ROBO1: variants seen among roughly 807,000 people sequenced by gnomAD.
ROBO1 encodes the protein roundabout guidance receptor 1.
ROBO1 carries 149 observed loss-of-function variants against 195.9 expected under a neutral mutation model. That is an observed-to-expected ratio of 0.76 (90% CI 0.67 to 0.87). ROBO1 has a LOEUF of 0.87. ROBO1 is among the 40% of genes least tolerant of loss of function. The pLI is 0.00. For missense variants in ROBO1, 1,933 were observed against 2,068.3 expected (o/e 0.93, Z 1.27); for synonymous variants, 816 against 733.2 (o/e 1.11, Z -1.82).
chr3:78,966,055 C>A (rs1388741223), intron 3 of ROBO1, among the ~76,000 whole-genome samples: 1 of 152,108 alleles, frequency 6.6e-6, no homozygotes, highest in Non-Finnish European at 1.5e-5. Flanking sequence ...CCTGTCAGAT[C>A]AGTGGTGGCA....
chr3:79,148,655 T>C (rs975014979), intron 2 of ROBO1, among the ~76,000 whole-genome samples: 3 of 151,788 alleles, frequency 2.0e-5, no homozygotes, highest in African/African-American at 7.3e-5. Flanking sequence ...CTGTACATGA[T>C]CATAAAGTAA....
At chr3:79,654,062 C>A (rs1946090239) in intron 1 of ROBO1, among the ~76,000 whole-genome samples, 2 of 151,842 alleles carry the variant, frequency 1.3e-5, no homozygotes, top group Admixed American at 6.6e-5. Context: ...CTTTGTATGT[C>A]TAACTGTTTA....
chr3:79,500,611 C>A (rs1229645339), intron 2 of ROBO1, among the ~76,000 whole-genome samples: 5 of 152,192 alleles, frequency 3.3e-5, no homozygotes, highest in Non-Finnish European at 5.9e-5. Flanking sequence ...AATGAGAATT[C>A]AAGGTCTACT....
intron 5 of ROBO1, among the ~76,000 whole-genome samples, chr3:78,723,676 G>GT (rs1423435508): frequency 2.0e-5 from 3 of 152,040 alleles, no homozygotes. Flanking sequence ...TGAAGGGTGT[G>GT]TGGGGGGCGA....
chr3:78,955,173 T>C (rs111636621), intron 3 of ROBO1, among the ~76,000 whole-genome samples: 7 of 149,836 alleles, frequency 4.7e-5, no homozygotes, highest in African/African-American at 1.5e-4. Context: ...TGGGGTTATA[T>C]AGGTAAACTG....
At chr3:79,437,049 G>A (rs931081302) in intron 2 of ROBO1, among the ~76,000 whole-genome samples, 2 of 151,934 alleles carry the variant, frequency 1.3e-5, no homozygotes, top group East Asian at 1.9e-4. Context: ...AACATGCATC[G>A]TAACGGTTAA....
chr3:79,405,165 A>G (rs2037499202), intron 2 of ROBO1, among the ~76,000 whole-genome samples: 1 of 152,152 alleles, frequency 6.6e-6, no homozygotes, highest in African/African-American at 2.4e-5. Flanking sequence ...AGCATTCTTC[A>G]TAAAAGAAAA....
At chr3:79,629,582 A>AATCC (rs1209487895) in intron 1 of ROBO1, among the ~76,000 whole-genome samples, 4 of 152,128 alleles carry the variant, frequency 2.6e-5, no homozygotes, top group African/African-American at 9.6e-5. Context: ...AACCCAAGGT[A>AATCC]CTAGATAAAC....
intron 2 of ROBO1, among the ~76,000 whole-genome samples, chr3:79,187,263 G>C (rs2081457341): frequency 6.6e-6 from 1 of 151,920 alleles, no homozygotes; most frequent in Non-Finnish European, 1.5e-5. Flanking sequence ...CTTGTAAAAG[G>C]CCAGATGACC....
chr3:79,597,788 A>G (rs551571680), intron 1 of ROBO1, among the ~76,000 whole-genome samples: 2 of 152,232 alleles, frequency 1.3e-5, no homozygotes, highest in African/African-American at 4.8e-5. Context: ...AGAATAAAAT[A>G]TATGAATAGA....
intron 2 of ROBO1, among the ~76,000 whole-genome samples, chr3:79,202,139 T>C (rs1455869320): frequency 6.6e-6 from 1 of 152,014 alleles, no homozygotes; most frequent in East Asian, 1.9e-4. Flanking sequence ...TTACTCTACT[T>C]TAATTAGCTG....
intron 5 of ROBO1, among the ~76,000 whole-genome samples, chr3:78,745,579 T>C (rs563997672): frequency 6.6e-6 from 1 of 152,310 alleles, no homozygotes; most frequent in East Asian, 1.9e-4. Context: ...ATTTCTCCCA[T>C]GCTCTTTCTT....
chr3:78,800,258 A>G (rs2084324501), intron 4 of ROBO1, among the ~76,000 whole-genome samples: 1 of 152,332 alleles, frequency 6.6e-6, no homozygotes, highest in East Asian at 1.9e-4. Context: ...CGAAAAAATA[A>G]CAACAAGATA....
intron 2 of ROBO1, among the ~76,000 whole-genome samples, chr3:79,127,405 C>A (rs527503796): frequency 1.4e-3 from 218 of 152,264 alleles, no homozygotes; most frequent in African/African-American, 4.8e-3. Context: ...TGCTTACCTA[C>A]AATCTTGTTT....
At chr3:79,671,661 A>C (rs1340559013) in intron 1 of ROBO1, among the ~76,000 whole-genome samples, 2 of 151,886 alleles carry the variant, frequency 1.3e-5, no homozygotes, top group Non-Finnish European at 2.9e-5. Flanking sequence ...TGATATGGTT[A>C]AGTTTCTTAA....
At chr3:79,716,604 G>GA (rs560812691) in intron 1 of ROBO1, among the ~76,000 whole-genome samples, 4 of 151,528 alleles carry the variant, frequency 2.6e-5, no homozygotes, top group South Asian at 2.1e-4. Flanking sequence ...TAGAAAATTA[G>GA]AAAAAAAATA....
chr3:79,707,057 G>A (rs552798818), intron 1 of ROBO1, among the ~76,000 whole-genome samples: 15 of 152,142 alleles, frequency 9.9e-5, no homozygotes, highest in African/African-American at 3.6e-4. Context: ...TCCCTTCTAA[G>A]AAAGACTGTA....
intron 2 of ROBO1, among the ~76,000 whole-genome samples, chr3:79,252,343 G>T (rs1215816167): frequency 1.3e-5 from 2 of 152,072 alleles, no homozygotes; most frequent in Admixed American, 1.3e-4. Context: ...TCCTTATCTG[G>T]TGTCCTTCTA....
At chr3:79,468,325 A>T (rs1408162427) in intron 2 of ROBO1, among the ~76,000 whole-genome samples, 3 of 152,164 alleles carry the variant, frequency 2.0e-5, no homozygotes, top group African/African-American at 7.2e-5. Context: ...TTAACAACTG[A>T]AAAGTGTACT....
Sources: gnomAD v4.1 joint callset for allele counts (sites outside exome capture counted in the v4.1 genomes callset) on GRCh38, gnomAD v4.1.1 for gene constraint, MANE v1.5 for transcripts, NCBI Gene and HGNC (gene_info 2026-07-23, HGNC 2026-07-21) for gene names.